CSF1R: variants seen among roughly 807,000 people sequenced by gnomAD.
CSF1R encodes macrophage colony-stimulating factor 1 receptor.
In CSF1R, 40 loss-of-function variants were observed where a neutral mutation model predicts 110.0. The observed-to-expected ratio is 0.36, with a 90% CI of 0.28 to 0.47. The LOEUF is 0.47. CSF1R is among the 20% of genes least tolerant of loss of function. The pLI is 0.99. For missense variants in CSF1R, 1,052 were observed against 1,253.0 expected (o/e 0.84, Z 2.42); for synonymous variants, 523 against 503.4 (o/e 1.04, Z -0.52).
chr5:150,070,155 T>C, intron 8 of CSF1R, 27 bp downstream of exon 8: 1 of 1,611,216 alleles, frequency 6.2e-7, no homozygotes, highest in South Asian at 1.1e-5. Flanking sequence ...TGAGCCCAGG[T>C]GAGGGAGGTG....
At chr5:150,056,411 G>C in intron 16 of CSF1R, 70 bp from the exon 17 acceptor site, 2 of 1,587,734 alleles carry the variant, frequency 1.3e-6, no homozygotes, top group African/African-American at 1.3e-5. Flanking sequence ...GAGGATGGCA[G>C]GGAGGGCCCC....
Position 150,080,147 on chromosome 5 carries a change from C to T in CSF1R, c.497G>A (p.Arg166Lys), listed in dbSNP as rs1187678502. Reference sequence around the variant, plus strand: ...GTCCTGGCTCTGAATGAACTTGGCCCTGTGGATGGTGAAGCCATGCCAGGG... The same window carrying T: ...GTCCTGGCTCTGAATGAACTTGGCCTTGTGGATGGTGAAGCCATGCCAGGG... ...FSPWHGFTIHRAKFIQSQDYQ... is the reference protein window; with the variant it reads ...FSPWHGFTIHKAKFIQSQDYQ... The change falls in exon 3 of 21, where the codon AGG becomes AAG. Residue 166 changes from arginine to lysine, a missense_variant. Arg to Lys is a conservative substitution (Grantham distance 26). Around this residue, in one of 5 missense-constraint regions of CSF1R, gnomAD observed 693 missense variants for 735.4 expected, o/e 0.94. Coordinates refer to ENST00000675795, the MANE Select transcript of CSF1R (RefSeq NM_001288705.3). The T allele has an allele frequency of 2.5e-6, 4 of 1,614,118 alleles. No individual in the cohort carries two copies. The highest frequency in any genetic ancestry group is 1.3e-5 in the African/African-American group (1 of 75,070).
intron 1 of CSF1R, among the ~76,000 whole-genome samples, chr5:150,096,685 C>T (rs772220465): frequency 6.6e-6 from 1 of 152,108 alleles, no homozygotes; most frequent in Non-Finnish European, 1.5e-5. Context: ...GTTCAACACT[C>T]AAAAATCAAG....
chr5:150,063,540 G>A (rs1457692915), intron 10 of CSF1R, among the ~76,000 whole-genome samples: 2 of 151,844 alleles, frequency 1.3e-5, no homozygotes, highest in Non-Finnish European at 2.9e-5. Context: ...GAGAGAAAGA[G>A]AGACGCTGCC....
At chr5:150,089,975 A>G (rs1009796775), upstream of CSF1R, among the ~76,000 whole-genome samples, 3 of 152,230 alleles carry the variant, frequency 2.0e-5, no homozygotes, top group Non-Finnish European at 2.9e-5. Flanking sequence ...AGATAGTCAC[A>G]TGCAGAAGAA....
intron 13 of CSF1R, 138 bp downstream of exon 13, chr5:150,060,724 G>A (rs1306337175): frequency 3.3e-6 from 2 of 601,356 alleles, no homozygotes; most frequent in Admixed American, 5.8e-5. Context: ...GGAGTTTAAG[G>A]GATGCTGTGA....
intron 1 of CSF1R, 45 bp downstream of exon 1, chr5:150,086,334 C>G: frequency 2.6e-6 from 4 of 1,559,020 alleles, no homozygotes; most frequent in Non-Finnish European, 3.5e-6. Flanking sequence ...GGGGTCTTCT[C>G]CATCACACCC....
chr5:150,079,959 C>T (rs1758450657), intron 3 of CSF1R, 93 bp downstream of exon 3: 3 of 1,437,094 alleles, frequency 2.1e-6, no homozygotes, highest in Non-Finnish European at 2.9e-6. Flanking sequence ...CACTGCCCCC[C>T]ATCACACCCA....
At chr5:150,095,464 A>G (rs1262832112) in intron 1 of CSF1R, among the ~76,000 whole-genome samples, 1 of 152,186 alleles carries the variant, frequency 6.6e-6, no homozygotes. Context: ...AATTATTAAC[A>G]AAAAGGTATC....
At chr5:150,084,274 G>A (rs1758698546) in intron 1 of CSF1R, among the ~76,000 whole-genome samples, 1 of 150,562 alleles carries the variant, frequency 6.6e-6, no homozygotes, top group Non-Finnish European at 1.5e-5. Context: ...AGGTTGCAGT[G>A]AGCCGAGATC....
At chr5:150,073,636 T>G in intron 5 of CSF1R, 143 bp from the exon 6 acceptor site, 1 of 737,132 alleles carries the variant, frequency 1.4e-6, no homozygotes, top group Non-Finnish European at 2.2e-6. Context: ...ACAGGTCCTC[T>G]GACACCCCTC....
At chr5:150,107,806 G>C (rs978001345) in intron 1 of CSF1R, among the ~76,000 whole-genome samples, 1 of 152,250 alleles carries the variant, frequency 6.6e-6, no homozygotes, top group African/African-American at 2.4e-5. Context: ...AAATGGGGAA[G>C]GGGCTATTGA....
chr5:150,080,340 G>A lies in CSF1R; in HGVS notation c.308-4C>T, dbSNP rs771809429. On this transcript the variant is annotated splice_polypyrimidine_tract_variant and splice_region_variant and intron_variant, in intron 2 of 20. Coordinates refer to ENST00000675795, the MANE Select transcript of CSF1R (RefSeq NM_001288705.3). ...ACGTTCCAGGGCCGGGCAGGGTCTA[G>A]AGTAGAGGAGGGCACAGGGTTACAA... 3.1e-6 allele frequency: 5 copies of A among 1,611,004 alleles called. No homozygotes were observed. In the Admixed American group the frequency reaches 8.3e-5, roughly 27 times the overall value.
At chr5:150,092,054 G>T (rs1307832362) in intron 1 of CSF1R, among the ~76,000 whole-genome samples, 1 of 152,078 alleles carries the variant, frequency 6.6e-6, no homozygotes, top group Non-Finnish European at 1.5e-5. Flanking sequence ...TTTTTTTCCT[G>T]TCAAGGACCA....
At chr5:150,064,402 G>T (rs918798047) in intron 10 of CSF1R, among the ~76,000 whole-genome samples, 1 of 152,240 alleles carries the variant, frequency 6.6e-6, no homozygotes, top group African/African-American at 2.4e-5. Context: ...AATTAGAAAT[G>T]AGAAGGAACT....
chr5:150,107,748 C>T (rs1759596385), intron 1 of CSF1R, among the ~76,000 whole-genome samples: 1 of 152,272 alleles, frequency 6.6e-6, no homozygotes, highest in Non-Finnish European at 1.5e-5. Context: ...CCACTCCTAA[C>T]CACAGCCAGG....
At chr5:150,070,917 T>C (rs911210717) in intron 6 of CSF1R, among the ~76,000 whole-genome samples, 3 of 152,188 alleles carry the variant, frequency 2.0e-5, no homozygotes, top group South Asian at 4.1e-4. Flanking sequence ...TACAAATCCC[T>C]GAAGTGCCAA....
intron 1 of CSF1R, among the ~76,000 whole-genome samples, chr5:150,102,999 G>A (rs769282396): frequency 3.3e-5 from 5 of 152,210 alleles, no homozygotes; most frequent in African/African-American, 4.8e-5. Context: ...TGTTTACGAG[G>A]CACTTTCATT....
rs2113824174 is a variant in CSF1R, at chr5:150,077,323, C to T, written c.842G>A (p.Ser281Asn). 6.2e-7 allele frequency: 1 copy of T among 1,614,212 alleles called. No homozygotes were observed. Among genetic ancestry groups the T allele is most frequent in the Non-Finnish European group, 8.5e-7 (1 of 1,180,042 alleles). The change falls in exon 5 of 21, where the codon AGC (serine) becomes AAC (asparagine). Residue 281 changes from serine to asparagine, a missense_variant. Ser to Asn is a conservative substitution (Grantham distance 46, BLOSUM62 1). Transcript: ENST00000675795. Reference sequence around the variant, plus strand: ...GGTGGAGTGCTTGCCCTGCACGTTGCTGGCCACGCAGGAGTAGTTGCCGGC... The same window carrying T: ...GGTGGAGTGCTTGCCCTGCACGTTGTTGGCCACGCAGGAGTAGTTGCCGGC... ...QHAGNYSCVA[S>N]NVQGKHSTSM...
Sources: gnomAD v4.1 joint callset for allele counts (sites outside exome capture counted in the v4.1 genomes callset) on GRCh38, gnomAD v4.1.1 for gene constraint, gnomAD v4.1.1 regional missense constraint, MANE v1.5 for transcripts, NCBI Gene and HGNC (gene_info 2026-07-23, HGNC 2026-07-21) for gene names.